Variants in CSMD1 observed in about 807,000 individuals in gnomAD.
The protein encoded by CSMD1 is CUB and Sushi multiple domains 1, also known as CUB and sushi domain-containing protein 1.
A neutral mutation model predicts 417.5 loss-of-function variants in CSMD1; 213 were observed. The ratio of observed to expected loss-of-function variants is 0.51; its 90% CI spans 0.46 to 0.57. CSMD1 has a LOEUF of 0.57. CSMD1 is among the 20% of genes least tolerant of loss of function. CSMD1 has a pLI of 0.00. For missense variants in CSMD1, 6,923 were observed against 4,529.7 expected (o/e 1.53, Z -15.17); for synonymous variants, 2,862 against 1,736.8 (o/e 1.65, Z -16.11).
intron 51 of CSMD1, among the ~76,000 whole-genome samples, chr8:3,020,703 C>T (rs17079090): frequency 0.036 from 5,513 of 152,154 alleles, 126 homozygotes; most frequent in African/African-American, 0.07. Context: ...GAGGCTCTAT[C>T]TCAAATGTTC....
At chr8:3,566,951 T>G (rs927422585) in intron 10 of CSMD1, among the ~76,000 whole-genome samples, 7 of 152,208 alleles carry the variant, frequency 4.6e-5, no homozygotes, top group Non-Finnish European at 1.0e-4. Context: ...ATATAAATTG[T>G]TCTATCATAA....
At chr8:3,877,808 T>C (rs1805929958) in intron 5 of CSMD1, among the ~76,000 whole-genome samples, 1 of 152,178 alleles carries the variant, frequency 6.6e-6, no homozygotes, top group African/African-American at 2.4e-5. Context: ...AACATTATCA[T>C]GGAGATTGTA....
At chr8:4,368,381 C>G (rs763006563) in intron 3 of CSMD1, among the ~76,000 whole-genome samples, 12 of 152,188 alleles carry the variant, frequency 7.9e-5, no homozygotes, top group Admixed American at 2.0e-4. Context: ...CTGCTGGATT[C>G]AGTTTGCTGG....
chr8:4,636,856 T>A (rs1433331695), intron 2 of CSMD1, among the ~76,000 whole-genome samples: 1 of 152,160 alleles, frequency 6.6e-6, no homozygotes, highest in African/African-American at 2.4e-5. Context: ...GGAGAACTTT[T>A]CTGTCTTACA....
intron 3 of CSMD1, among the ~76,000 whole-genome samples, chr8:4,388,104 G>A (rs1289345114): frequency 6.6e-6 from 1 of 152,128 alleles, no homozygotes; most frequent in South Asian, 2.1e-4. Flanking sequence ...TAAAGATACA[G>A]CTGTCTCTGC....
chr8:3,369,338 C>T lies in CSMD1; in HGVS notation c.2815G>A (p.Gly939Arg). The T allele has an allele frequency of 6.2e-7, 1 of 1,600,010 alleles. No homozygotes were observed. The highest frequency in any genetic ancestry group is 1.1e-5 in the South Asian group (1 of 90,426). Residue 939 changes from glycine to arginine, a missense_variant, in exon 19 of 70, where the codon GGA becomes AGA. Physicochemically the swap from Gly to Arg is moderately radical, Grantham distance 125. Transcript: ENST00000635120. ...LCGGYIQGKS[G>R]TVLSPGFPDF... ...GGAAACCCAGGAGAAAGGACTGTTC[C>T]ACTCTTCCCTTGGATGTAGCCTCCA...
intron 5 of CSMD1, among the ~76,000 whole-genome samples, chr8:3,788,251 G>A (rs1345037506): frequency 6.6e-6 from 1 of 152,116 alleles, no homozygotes; most frequent in African/African-American, 2.4e-5. Flanking sequence ...TAAACAAGAT[G>A]GAGCTAAACA....
At chr8:4,404,865 C>G (rs1251721918) in intron 3 of CSMD1, among the ~76,000 whole-genome samples, 3 of 152,190 alleles carry the variant, frequency 2.0e-5, no homozygotes, top group African/African-American at 7.2e-5. Context: ...ACCAGCCACA[C>G]TTCCATGCAC....
chr8:4,238,249 C>A (rs530896632), intron 3 of CSMD1, among the ~76,000 whole-genome samples: 25 of 152,238 alleles, frequency 1.6e-4, no homozygotes, highest in African/African-American at 5.3e-4. Context: ...TGTGCCAGAC[C>A]CTGTGATTCT....
In CSMD1 at chr8:3,776,807, G is replaced by GATATATAGATATATATATATATATAT. The variant is rs1371493777; in HGVS notation, c.819-22766_819-22765insATATATATATATATATATCTATATAT. 1.6e-3 allele frequency among the ~76,000 whole-genome samples: 224 copies of GATATATAGATATATATATATATATAT among 139,962 alleles called. 4 individuals carry two copies. Among genetic ancestry groups the GATATATAGATATATATATATATATAT allele is most frequent in the African/African-American group, 6.0e-3 (212 of 35,072 alleles). 91.8% of individuals were successfully genotyped at this position (139,962 alleles called of 152,430 possible). Reference sequence around the variant, plus strand: ...GTGATAGATAGTGACATATAGACGAGATATATATATATATATACAGATGAC... The same window carrying GATATATAGATATATATATATATATAT: ...GTGATAGATAGTGACATATAGACGAGATATATAGATATATATATATATATATATATATATATATATATACAGATGAC... On this transcript the variant is annotated intron_variant, in intron 5 of 69. Transcript: ENST00000635120.
intron 1 of CSMD1, among the ~76,000 whole-genome samples, chr8:4,889,652 T>C (rs1392256156): frequency 2.0e-5 from 3 of 151,970 alleles, no homozygotes; most frequent in African/African-American, 7.3e-5. Flanking sequence ...AGACTGCAAA[T>C]ATAAGGTTTT....
chr8:3,928,307 T>C (rs73501850), intron 5 of CSMD1, among the ~76,000 whole-genome samples: 6,280 of 152,300 alleles, frequency 0.041, 421 homozygotes, highest in African/African-American at 0.14. Context: ...ACTTCTTGAA[T>C]GTATTTTTCT....
chr8:3,600,382 G>C (rs112076975), intron 8 of CSMD1, among the ~76,000 whole-genome samples: 30 of 152,212 alleles, frequency 2.0e-4, no homozygotes, highest in African/African-American at 6.5e-4. Flanking sequence ...CATCTAACTA[G>C]CTACTCTATT....
At chr8:3,315,741 G>A (rs953028643) in intron 23 of CSMD1, among the ~76,000 whole-genome samples, 70 of 152,252 alleles carry the variant, frequency 4.6e-4, no homozygotes, top group Non-Finnish European at 7.1e-4. Context: ...GCCTGTAAAT[G>A]TCCAGAATGA....
chr8:4,395,088 C>G (rs550983880), intron 3 of CSMD1, among the ~76,000 whole-genome samples: 3 of 152,292 alleles, frequency 2.0e-5, no homozygotes, highest in Admixed American at 6.5e-5. Context: ...ACCTCCTGCA[C>G]CCACATGAAC....
chr8:4,944,206 A>C (rs1808215989), intron 1 of CSMD1, among the ~76,000 whole-genome samples: 1 of 152,164 alleles, frequency 6.6e-6, no homozygotes, highest in Non-Finnish European at 1.5e-5. Context: ...TTCCTAGTGT[A>C]TGTAATAATT....
At chr8:3,974,003 T>TA (rs1813251233) in intron 5 of CSMD1, among the ~76,000 whole-genome samples, 1 of 152,220 alleles carries the variant, frequency 6.6e-6, no homozygotes, top group Non-Finnish European at 1.5e-5. Context: ...ACAATGCAAT[T>TA]ACACTCTTTA....
At chr8:4,008,288 A>C (rs892509559) in intron 4 of CSMD1, among the ~76,000 whole-genome samples, 4 of 152,138 alleles carry the variant, frequency 2.6e-5, no homozygotes, top group African/African-American at 9.6e-5. Context: ...AATTATTAAA[A>C]CAAATATAGT....
chr8:4,312,046 C>T (rs1392284866), intron 3 of CSMD1, among the ~76,000 whole-genome samples: 1 of 152,056 alleles, frequency 6.6e-6, no homozygotes, highest in Non-Finnish European at 1.5e-5. Flanking sequence ...AAATCATTGT[C>T]ATTTCTAGCT....
Sources: gnomAD v4.1 joint callset for allele counts (sites outside exome capture counted in the v4.1 genomes callset) on GRCh38, gnomAD v4.1.1 for gene constraint, MANE v1.5 for transcripts, NCBI Gene and HGNC (gene_info 2026-07-23, HGNC 2026-07-21) for gene names.